HHIP: variants seen among roughly 807,000 people sequenced by gnomAD.
HHIP encodes the protein hedgehog-interacting protein.
HHIP carries 12 observed loss-of-function variants against 74.0 expected under a neutral mutation model. The ratio of observed to expected loss-of-function variants is 0.16; its 90% CI spans 0.10 to 0.26. The LOEUF (loss-of-function observed/expected upper bound fraction) is 0.26. HHIP is among the 10% of genes least tolerant of loss of function. The pLI, the probability that HHIP is intolerant of heterozygous loss-of-function variation, is 1.00. For missense variants in HHIP, 788 were observed against 845.0 expected (o/e 0.93, Z 0.84); for synonymous variants, 309 against 311.6 (o/e 0.99, Z 0.09).
intron 4 of HHIP, among the ~76,000 whole-genome samples, chr4:144,672,024 A>G (rs970603343): frequency 1.1e-4 from 16 of 152,098 alleles, no homozygotes; most frequent in Middle Eastern, 3.2e-3. Context: ...ATAATACCTT[A>G]GGTCCTTTCT....
At chr4:144,673,290 G>T (rs1409541609) in intron 4 of HHIP, among the ~76,000 whole-genome samples, 2 of 152,052 alleles carry the variant, frequency 1.3e-5, no homozygotes, top group Admixed American at 1.3e-4. Context: ...TTTACACATG[G>T]TGTTTCCAAA....
At chr4:144,706,827 C>T (rs1578712835) in intron 5 of HHIP, 145 bp downstream of exon 5, 4 of 771,626 alleles carry the variant, frequency 5.2e-6, no homozygotes, top group Non-Finnish European at 6.2e-6. Flanking sequence ...CTGAAAACTC[C>T]ATATGTGTCT....
chr4:144,646,976 G>A, intron 1 of HHIP, 22 bp downstream of exon 1: 1 of 1,573,218 alleles, frequency 6.4e-7, no homozygotes, highest in Non-Finnish European at 8.6e-7. Context: ...CCGGCTTCAC[G>A]GATGCGTACT....
intron 7 of HHIP, 51 bp downstream of exon 7, chr4:144,708,362 C>G: frequency 6.3e-7 from 1 of 1,593,968 alleles, no homozygotes; most frequent in Non-Finnish European, 8.6e-7. Context: ...GGCGGGGATC[C>G]GAGAACTGGG....
chr4:144,723,013 T>C (rs1301230960), intron 11 of HHIP, among the ~76,000 whole-genome samples: 1 of 152,178 alleles, frequency 6.6e-6, no homozygotes, highest in African/African-American at 2.4e-5. Flanking sequence ...AGAACACGAA[T>C]TTTTTTATAG....
At chr4:144,708,370 G>A in intron 7 of HHIP, 59 bp downstream of exon 7, 1 of 1,569,944 alleles carries the variant, frequency 6.4e-7, no homozygotes, top group Non-Finnish European at 8.7e-7. Context: ...TCCGAGAACT[G>A]GGAAAATATA....
intron 11 of HHIP, among the ~76,000 whole-genome samples, chr4:144,721,355 C>T (rs537783834): frequency 6.6e-6 from 1 of 151,944 alleles, no homozygotes; most frequent in Non-Finnish European, 1.5e-5. Flanking sequence ...AAACTATATA[C>T]GCAGTATCTC....
chr4:144,737,891 A>G lies in HHIP; in HGVS notation c.2037A>G (p.Ala679=). Residue 679 remains alanine (A), a synonymous_variant, in exon 13 of 13, where the codon GCA becomes GCG. Transcript: ENST00000296575. ...VDRNIRRVTR[A]GILDQIIDMT... is the part of the protein sequence containing the mutation. ...GAAACATCCGCAGAGTGACCAGGGC[A>G]GGTATTCTTGATCAGATCATTGACA... 1 of 1,613,692 alleles carries G rather than the reference A, an allele frequency of 6.2e-7. No homozygotes were observed. The highest frequency in any genetic ancestry group is 1.1e-5 in the South Asian group (1 of 91,038).
At chr4:144,693,251 T>A (rs1729724617) in intron 4 of HHIP, among the ~76,000 whole-genome samples, 1 of 152,032 alleles carries the variant, frequency 6.6e-6, no homozygotes, top group Admixed American at 6.6e-5. Flanking sequence ...TTTTTCAAAC[T>A]GCTACCTGGG....
At chr4:144,711,878 G>A in intron 7 of HHIP, 72 bp from the exon 8 acceptor site, 1 of 1,488,360 alleles carries the variant, frequency 6.7e-7, no homozygotes, top group Non-Finnish European at 9.1e-7. Context: ...TCCTTCCTAT[G>A]TCAGGAATCT....
chr4:144,679,761 A>T (rs1186690890), intron 4 of HHIP, among the ~76,000 whole-genome samples: 1 of 152,198 alleles, frequency 6.6e-6, no homozygotes, highest in African/African-American at 2.4e-5. Context: ...AATACGACTA[A>T]CATGATGTAG....
chr4:144,647,555 A>T (rs1293986190), intron 1 of HHIP, among the ~76,000 whole-genome samples: 1 of 152,256 alleles, frequency 6.6e-6, no homozygotes, highest in African/African-American at 2.4e-5. Context: ...TATTTATCAC[A>T]TAAAACTGAG....
chr4:144,707,512 G>A (rs1560714106), intron 6 of HHIP, among the ~76,000 whole-genome samples: 1 of 151,976 alleles, frequency 6.6e-6, no homozygotes, highest in Non-Finnish European at 1.5e-5. Context: ...GCTCCACAAA[G>A]CACTGAGAAG....
intron 2 of HHIP, among the ~76,000 whole-genome samples, chr4:144,658,148 C>T (rs1415879963): frequency 6.6e-6 from 1 of 152,066 alleles, no homozygotes; most frequent in African/African-American, 2.4e-5. Flanking sequence ...GATATGCTCA[C>T]AGGTACAACA....
At chr4:144,709,239 C>T (rs984082848) in intron 7 of HHIP, among the ~76,000 whole-genome samples, 11 of 152,200 alleles carry the variant, frequency 7.2e-5, no homozygotes, top group Non-Finnish European at 1.2e-4. Context: ...GTCTACAGTT[C>T]ATTTCCTTTT....
intron 4 of HHIP, among the ~76,000 whole-genome samples, chr4:144,678,963 C>A (rs944059114): frequency 1.3e-5 from 2 of 152,186 alleles, no homozygotes; most frequent in Admixed American, 1.3e-4. Flanking sequence ...ATACTGTCTT[C>A]CACAATGGTT....
intron 11 of HHIP, among the ~76,000 whole-genome samples, chr4:144,720,747 G>A (rs535607045): frequency 5.9e-5 from 9 of 152,206 alleles, no homozygotes; most frequent in East Asian, 1.9e-4. Context: ...AACCGTCCTT[G>A]TACACAGACA....
At chr4:144,715,643 A>G (rs1402678619) in intron 10 of HHIP, 2 of 336,938 alleles carry the variant, frequency 5.9e-6, no homozygotes, top group Non-Finnish European at 1.1e-5. Flanking sequence ...TTATTTTCAC[A>G]CTAGAAATAC....
intron 4 of HHIP, among the ~76,000 whole-genome samples, chr4:144,675,646 T>C (rs551844880): frequency 1.3e-5 from 2 of 152,260 alleles, no homozygotes; most frequent in African/African-American, 2.4e-5. Flanking sequence ...ACTATAATTG[T>C]ACTATTTGAT....
Sources: allele counts gnomAD v4.1 joint callset (sites outside exome capture counted in the v4.1 genomes callset), GRCh38; gene constraint gnomAD v4.1.1; transcripts MANE v1.5; gene names NCBI Gene and HGNC (gene_info 2026-07-23, HGNC 2026-07-21).